The following MKLN1 variants were observed in gnomAD, a reference collection of about 807,000 sequenced individuals.
MKLN1 encodes muskelin 1.
In MKLN1, 18 loss-of-function variants were observed where a neutral mutation model predicts 99.0. The observed-to-expected ratio is 0.18, with a 90% CI of 0.13 to 0.27. The LOEUF (loss-of-function observed/expected upper bound fraction) is 0.27. Ranked by LOEUF, MKLN1 falls within the 10% of genes least tolerant of loss-of-function variation. MKLN1 has a pLI of 1.00. For missense variants in MKLN1, 621 were observed against 875.9 expected, an observed-to-expected ratio of 0.71 and a Z score of 3.67; for synonymous variants, 288 against 293.2, an observed-to-expected ratio of 0.98 and a Z score of 0.18.
At chr7:131,293,032 C>T (rs150521175) in intron 3 of MKLN1, among the ~76,000 whole-genome samples, 1 of 152,324 alleles carries the variant, frequency 6.6e-6, no homozygotes, top group East Asian at 1.9e-4. Flanking sequence ...TACCACTTAC[C>T]TCTGGGCTGG....
chr7:131,250,364 T>A (rs1202794064), intron 3 of MKLN1, among the ~76,000 whole-genome samples: 2 of 152,118 alleles, frequency 1.3e-5, no homozygotes, highest in Non-Finnish European at 2.9e-5. Flanking sequence ...TCCCCCGGTG[T>A]CCCCTAAAGG....
intron 3 of MKLN1, among the ~76,000 whole-genome samples, chr7:131,317,787 G>C (rs938110514): frequency 9.7e-6 from 1 of 103,404 alleles, no homozygotes; most frequent in Non-Finnish European, 2.0e-5. Context: ...AAAAAAAAAA[G>C]CAGGGGTTGC....
chr7:131,234,910 G>A (rs1187472477), intron 3 of MKLN1, among the ~76,000 whole-genome samples: 1 of 152,100 alleles, frequency 6.6e-6, no homozygotes, highest in Non-Finnish European at 1.5e-5. Context: ...TCATTCGGAT[G>A]CTTGCTGATG....
At chr7:131,214,191 G>A (rs965691499) in intron 3 of MKLN1, among the ~76,000 whole-genome samples, 1 of 151,906 alleles carries the variant, frequency 6.6e-6, no homozygotes, top group Non-Finnish European at 1.5e-5. Context: ...CCCAGCCCTC[G>A]TTCTCCTTTC....
intron 4 of MKLN1, among the ~76,000 whole-genome samples, chr7:131,389,630 G>C (rs1794136509): frequency 6.6e-6 from 1 of 151,934 alleles, no homozygotes; most frequent in Non-Finnish European, 1.5e-5. Context: ...GTATTTTTCA[G>C]GTGATTTTGT....
At chr7:131,112,238 T>G (rs1215350900) in intron 1 of MKLN1, among the ~76,000 whole-genome samples, 1 of 152,242 alleles carries the variant, frequency 6.6e-6, no homozygotes, top group Non-Finnish European at 1.5e-5. Flanking sequence ...GAAGCTTAAA[T>G]GAAAGTGCTG....
chr7:131,464,935 T>G (rs970197056), intron 14 of MKLN1, among the ~76,000 whole-genome samples: 5 of 152,218 alleles, frequency 3.3e-5, no homozygotes, highest in African/African-American at 4.8e-5. Flanking sequence ...AACTTAACCA[T>G]GTACTTAAGT....
intron 3 of MKLN1, among the ~76,000 whole-genome samples, chr7:131,318,358 T>C (rs1357970209): frequency 6.6e-6 from 1 of 152,206 alleles, no homozygotes; most frequent in African/African-American, 2.4e-5. Flanking sequence ...GAATGACTCC[T>C]GGATAAATAT....
At chr7:131,215,550 G>T (rs765552843) in intron 3 of MKLN1, among the ~76,000 whole-genome samples, 22 of 150,942 alleles carry the variant, frequency 1.5e-4, no homozygotes, top group Middle Eastern at 3.5e-3. Context: ...GGCTGGTCTT[G>T]AACTCCTGGG....
intron 17 of MKLN1, among the ~76,000 whole-genome samples, chr7:131,480,161 CT>C (rs111351981): frequency 0.032 from 4,843 of 152,076 alleles, 247 homozygotes; most frequent in African/African-American, 0.11. Flanking sequence ...AGATAATCGT[CT>C]TGAAGTATGG....
intron 6 of MKLN1, among the ~76,000 whole-genome samples, chr7:131,403,561 T>C (rs1456660245): frequency 6.6e-6 from 1 of 152,210 alleles, no homozygotes; most frequent in Non-Finnish European, 1.5e-5. Context: ...GCCTTTGACA[T>C]GCCTTCCTCC....
intron 3 of MKLN1, among the ~76,000 whole-genome samples, chr7:131,217,789 A>G (rs1369107763): frequency 6.6e-6 from 1 of 152,242 alleles, no homozygotes; most frequent in Non-Finnish European, 1.5e-5. Flanking sequence ...TCATAGCAGC[A>G]TTATGCACAA....
At chr7:131,387,625 A>C (rs1371178665) in intron 3 of MKLN1, among the ~76,000 whole-genome samples, 5 of 152,206 alleles carry the variant, frequency 3.3e-5, no homozygotes, top group African/African-American at 7.2e-5. Context: ...AAACACTAAG[A>C]TTAATTGCCC....
chr7:131,178,219 C>T (rs909540683), intron 2 of MKLN1, among the ~76,000 whole-genome samples: 9 of 148,340 alleles, frequency 6.1e-5, no homozygotes, highest in Admixed American at 4.1e-4. Flanking sequence ...TGGGTTCAAG[C>T]GATTCTCCTG....
Position 131,397,258 on chromosome 7 carries a change from TCC to T in MKLN1, c.401-8_401-7del. ...TTTTTCTTCTTCTTTTTGTTTTTTC[TCC>T]TTAAAGTTCCACTCTTGTCCTGGGG... On this transcript the variant is annotated splice_polypyrimidine_tract_variant and splice_region_variant and intron_variant, in intron 4 of 17. Transcript: ENST00000352689. 1 of 1,549,898 alleles carries T rather than the reference TCC, an allele frequency of 6.5e-7. No homozygotes were observed. Among genetic ancestry groups the T allele is most frequent in the Admixed American group, 1.9e-5 (1 of 53,602 alleles).
intron 12 of MKLN1, among the ~76,000 whole-genome samples, chr7:131,447,845 A>G (rs1438399676): frequency 6.6e-6 from 1 of 152,222 alleles, no homozygotes; most frequent in African/African-American, 2.4e-5. Context: ...GAAAACAGTT[A>G]CACAACTACG....
chr7:131,442,181 T>C (rs1297158989), intron 10 of MKLN1, among the ~76,000 whole-genome samples: 3 of 152,234 alleles, frequency 2.0e-5, no homozygotes, highest in African/African-American at 4.8e-5. Flanking sequence ...TAGATCTTTT[T>C]AGTGGTAGAT....
chr7:131,464,201 G>A, intron 13 of MKLN1, 93 bp from the exon 14 acceptor site: 1 of 618,570 alleles, frequency 1.6e-6, no homozygotes, highest in East Asian at 2.8e-5. Context: ...AAAATTTTTT[G>A]TTAGTAATTA....
intron 2 of MKLN1, among the ~76,000 whole-genome samples, chr7:131,195,235 G>A (rs1796624087): frequency 6.6e-6 from 1 of 152,204 alleles, no homozygotes; most frequent in African/African-American, 2.4e-5. Context: ...AGTGGGCCGG[G>A]CACGGTGGCT....
Sources: allele counts gnomAD v4.1 joint callset (sites outside exome capture counted in the v4.1 genomes callset), GRCh38; gene constraint gnomAD v4.1.1; transcripts MANE v1.5; gene names NCBI Gene and HGNC (gene_info 2026-07-23, HGNC 2026-07-21).